The following FRMD4A variants were observed in gnomAD, a reference collection of about 807,000 sequenced individuals.
The protein encoded by FRMD4A is FERM domain-containing protein 4A.
A neutral mutation model predicts 129.1 loss-of-function variants in FRMD4A; 29 were observed. That is an observed-to-expected ratio of 0.22 (90% CI 0.17 to 0.31). The LOEUF is 0.31. FRMD4A is among the 10% of genes least tolerant of loss of function. The pLI is 1.00. For missense variants in FRMD4A, 1,272 were observed against 1,375.8 expected (o/e 0.92, Z 1.19); for synonymous variants, 634 against 571.6 (o/e 1.11, Z -1.56).
Position 13,752,532 on chromosome 10 carries a change from G to A in FRMD4A, c.465-4713C>T, listed in dbSNP as rs759111183. Among the ~76,000 whole-genome samples the A allele has an allele frequency of 2.0e-5, 3 of 152,190 alleles. No homozygotes were observed. The East Asian group carries it at 5.8e-4, about 29-fold the overall frequency. On this transcript the variant is annotated intron_variant, in intron 8 of 24. Coordinates refer to ENST00000357447, the MANE Select transcript of FRMD4A (RefSeq NM_018027.5). ...GAGAAACTTGGGACGAACAGAATAG[G>A]CTTAGCGTGAAAGAATTCTTGCTAA...
At chr10:14,128,032 C>CCTCT (rs1564319823) in intron 2 of FRMD4A, among the ~76,000 whole-genome samples, 8 of 139,070 alleles carry the variant, frequency 5.8e-5, no homozygotes, top group African/African-American at 2.2e-4. Flanking sequence ...TCCTTCCTTC[C>CCTCT]TTCCTTTCTT....
At chr10:13,753,575 C>T (rs754063537) in intron 8 of FRMD4A, among the ~76,000 whole-genome samples, 7 of 127,764 alleles carry the variant, frequency 5.5e-5, no homozygotes, top group South Asian at 2.4e-4. Context: ...GACAGGGTCT[C>T]GCTTTGTTGC....
chr10:14,246,533 A>T (rs1844245519), intron 2 of FRMD4A, among the ~76,000 whole-genome samples: 1 of 152,230 alleles, frequency 6.6e-6, no homozygotes, highest in African/African-American at 2.4e-5. Flanking sequence ...ATGTGGACGT[A>T]TATGCACACA....
At chr10:13,899,402 T>C (rs1319807244) in intron 2 of FRMD4A, among the ~76,000 whole-genome samples, 1 of 152,110 alleles carries the variant, frequency 6.6e-6, no homozygotes, top group African/African-American at 2.4e-5. Context: ...TATTAGGCAG[T>C]GCTAGAGCTT....
chr10:13,796,715 T>A (rs2093127094), intron 4 of FRMD4A, 127 bp from the exon 5 acceptor site: 4 of 540,060 alleles, frequency 7.4e-6, no homozygotes, highest in Non-Finnish European at 1.3e-5. Flanking sequence ...TTATTTTTAA[T>A]TTTTTTTTAG....
chr10:13,718,228 G>T (rs2089043945), intron 12 of FRMD4A, among the ~76,000 whole-genome samples: 1 of 152,254 alleles, frequency 6.6e-6, no homozygotes, highest in African/African-American at 2.4e-5. Context: ...GTTGGAAGGT[G>T]CCAGGGAGTG....
intron 2 of FRMD4A, among the ~76,000 whole-genome samples, chr10:14,079,107 G>C (rs1360132368): frequency 6.6e-6 from 1 of 152,230 alleles, no homozygotes; most frequent in Non-Finnish European, 1.5e-5. Flanking sequence ...AGCTCCTGCT[G>C]TAGGTGCTTT....
chr10:13,913,076 A>C (rs1323859807), intron 2 of FRMD4A, among the ~76,000 whole-genome samples: 3 of 151,636 alleles, frequency 2.0e-5, no homozygotes, highest in African/African-American at 4.8e-5. Flanking sequence ...TCCATTTAAA[A>C]AAAAAAAAAA....
intron 2 of FRMD4A, among the ~76,000 whole-genome samples, chr10:14,230,968 T>G (rs1004264264): frequency 3.3e-5 from 5 of 152,192 alleles, no homozygotes; most frequent in African/African-American, 9.7e-5. Context: ...GTGATTTTGT[T>G]CTTTTTTATG....
At chr10:13,858,804 C>T (rs1307061305) in intron 3 of FRMD4A, 43 bp downstream of exon 3, 5 of 1,102,250 alleles carry the variant, frequency 4.5e-6, no homozygotes, top group Non-Finnish European at 7.0e-6. Context: ...GAAACCACAT[C>T]AGTCACCAAA....
At chr10:13,702,776 G>A (rs2086970775) in intron 13 of FRMD4A, among the ~76,000 whole-genome samples, 1 of 151,994 alleles carries the variant, frequency 6.6e-6, no homozygotes, top group Non-Finnish European at 1.5e-5. Flanking sequence ...ATCTTACTTT[G>A]GGCGGGGGTC....
intron 2 of FRMD4A, among the ~76,000 whole-genome samples, chr10:14,220,823 T>C (rs1843233134): frequency 2.6e-5 from 4 of 151,344 alleles, no homozygotes; most frequent in Admixed American, 2.6e-4. Flanking sequence ...TGTGTGTGTG[T>C]GTGTGTGTGT....
At chr10:14,067,208 C>T (rs1489488258) in intron 2 of FRMD4A, among the ~76,000 whole-genome samples, 1 of 151,644 alleles carries the variant, frequency 6.6e-6, no homozygotes, top group Non-Finnish European at 1.5e-5. Flanking sequence ...CCAAGCTACT[C>T]GGGAGGCTGA....
intron 2 of FRMD4A, among the ~76,000 whole-genome samples, chr10:14,172,352 G>A (rs577788330): frequency 1.3e-5 from 2 of 152,276 alleles, no homozygotes; most frequent in East Asian, 3.9e-4. Flanking sequence ...CAAGGAACAA[G>A]CCATGATGTG....
chr10:13,862,348 A>G (rs1365825130), intron 2 of FRMD4A, among the ~76,000 whole-genome samples: 1 of 152,206 alleles, frequency 6.6e-6, no homozygotes, highest in Non-Finnish European at 1.5e-5. Flanking sequence ...AAGAAGATGA[A>G]ATGTATCATT....
intron 2 of FRMD4A, among the ~76,000 whole-genome samples, chr10:14,210,613 C>G (rs1358561512): frequency 6.6e-6 from 1 of 152,202 alleles, no homozygotes; most frequent in African/African-American, 2.4e-5. Context: ...GTGCTAAAGA[C>G]CACAGATGGA....
At chr10:14,009,365 G>C (rs530781332) in intron 2 of FRMD4A, among the ~76,000 whole-genome samples, 8 of 151,774 alleles carry the variant, frequency 5.3e-5, no homozygotes, top group Admixed American at 5.2e-4. Flanking sequence ...GCTTCTGTCT[G>C]TTCTGAGTTT....
intron 2 of FRMD4A, among the ~76,000 whole-genome samples, chr10:14,033,141 T>C (rs891545373): frequency 3.9e-5 from 6 of 152,078 alleles, no homozygotes; most frequent in African/African-American, 1.4e-4. Flanking sequence ...ACCCTGTCTC[T>C]ACTAAAAATA....
chr10:14,201,196 C>G (rs886641155), intron 2 of FRMD4A, among the ~76,000 whole-genome samples: 1 of 152,210 alleles, frequency 6.6e-6, no homozygotes, highest in Non-Finnish European at 1.5e-5. Context: ...CAAGCTTCTC[C>G]GTTTTGATAA....
Sources: allele counts gnomAD v4.1 joint callset (sites outside exome capture counted in the v4.1 genomes callset), GRCh38; gene constraint gnomAD v4.1.1; transcripts MANE v1.5; gene names NCBI Gene and HGNC (gene_info 2026-07-23, HGNC 2026-07-21).